The following UACA variants were observed in gnomAD, a reference collection of about 807,000 sequenced individuals.
UACA encodes the protein uveal autoantigen with coiled-coil domains and ankyrin repeats, also known as nuclear membrane binding protein.
A neutral mutation model predicts 160.5 loss-of-function variants in UACA; 112 were observed. The observed-to-expected ratio is 0.70, with a 90% CI of 0.60 to 0.82. UACA has a LOEUF of 0.82. Ranked by LOEUF, UACA falls within the 40% of genes least tolerant of loss-of-function variation. The pLI is 0.00. For missense variants in UACA, 1,574 were observed against 1,614.6 expected (o/e 0.97, Z 0.43); for synonymous variants, 557 against 568.4 (o/e 0.98, Z 0.29).
intron 1 of UACA, among the ~76,000 whole-genome samples, chr15:70,748,567 G>C (rs755380277): frequency 2.2e-4 from 33 of 152,150 alleles, no homozygotes; most frequent in Non-Finnish European, 4.6e-4. Context: ...GCAGGTCCTT[G>C]CATACAGCCT....
At chr15:70,671,912 T>C in intron 14 of UACA, 53 bp downstream of exon 14, 1 of 1,459,632 alleles carries the variant, frequency 6.9e-7, no homozygotes, top group Non-Finnish European at 9.4e-7. Flanking sequence ...ATAAACATTC[T>C]TCTTTACTTG....
chr15:70,675,530 C>G (rs535941611), intron 13 of UACA, among the ~76,000 whole-genome samples: 1 of 152,334 alleles, frequency 6.6e-6, no homozygotes, highest in South Asian at 2.1e-4. Context: ...TACTCAGTAA[C>G]CCCTCACCAA....
intron 7 of UACA, among the ~76,000 whole-genome samples, chr15:70,686,090 C>G (rs183376252): frequency 1.9e-3 from 291 of 150,848 alleles, no homozygotes; most frequent in African/African-American, 6.7e-3. Context: ...ATAGTATCCA[C>G]AAAAACAAAG....
the UACA span, among the ~76,000 whole-genome samples, chr15:70,777,195 T>C: frequency 6.6e-6 from 1 of 151,822 alleles, no homozygotes; most frequent in Admixed American, 6.6e-5. Context: ...AAGGACAGAG[T>C]TGTCATTAAC....
chr15:70,685,836 A>G (rs1224466586), intron 7 of UACA, among the ~76,000 whole-genome samples: 2 of 151,856 alleles, frequency 1.3e-5, no homozygotes, highest in Non-Finnish European at 2.9e-5. Flanking sequence ...GCGCAGTGGC[A>G]TGATCTCAGC....
chr15:70,663,213 C>T (rs983765403), intron 17 of UACA, among the ~76,000 whole-genome samples: 1 of 152,214 alleles, frequency 6.6e-6, no homozygotes, highest in African/African-American at 2.4e-5. Context: ...TGAACAGACA[C>T]TTCTCAAAAG....
At chr15:70,761,144 G>A (rs2030729508) in intron 1 of UACA, among the ~76,000 whole-genome samples, 1 of 152,070 alleles carries the variant, frequency 6.6e-6, no homozygotes, top group Non-Finnish European at 1.5e-5. Flanking sequence ...TCCAAGATAT[G>A]AAACAGCAGC....
chr15:70,773,083 G>GA, the UACA span, among the ~76,000 whole-genome samples: 14 of 148,502 alleles, frequency 9.4e-5, no homozygotes, highest in East Asian at 7.9e-4. Context: ...AAATCAAACA[G>GA]AAAAAAAAAG....
chr15:70,704,569 T>G (rs1898471251), intron 1 of UACA, among the ~76,000 whole-genome samples: 3 of 152,216 alleles, frequency 2.0e-5, no homozygotes, highest in Non-Finnish European at 4.4e-5. Flanking sequence ...GTATGTATAC[T>G]AGTAGGATAA....
At chr15:70,719,567 T>C (rs1252391275) in intron 1 of UACA, among the ~76,000 whole-genome samples, 1 of 152,014 alleles carries the variant, frequency 6.6e-6, no homozygotes, top group East Asian at 1.9e-4. Context: ...AAAGAAAAAA[T>C]ACAACCACCA....
chr15:70,735,596 T>A (rs1005743478), intron 1 of UACA, among the ~76,000 whole-genome samples: 3 of 152,238 alleles, frequency 2.0e-5, no homozygotes, highest in African/African-American at 7.2e-5. Context: ...CATCTTGGCA[T>A]GTCACATATA....
intron 1 of UACA, among the ~76,000 whole-genome samples, chr15:70,749,598 C>T (rs921829202): frequency 6.7e-6 from 1 of 148,190 alleles, no homozygotes; most frequent in Non-Finnish European, 1.5e-5. Flanking sequence ...ACTCAGGAGG[C>T]TGAGGCAGGA....
chr15:70,694,979 A>G lies in UACA; in HGVS notation c.301+38T>C, dbSNP rs74021839. The G allele has an allele frequency of 6.2e-3, 9,339 of 1,500,488 alleles. 461 individuals are homozygous for G. The African/African-American group carries it at 0.11, about 18-fold the overall frequency. The allele number at this position is 1,500,488 out of a possible 1,614,324, so 92.9% of individuals were successfully genotyped here. Reference sequence around the variant, plus strand: ...TTAGCAGTGGACAATGTTTGTTTTCACTTTATGTTTTATAATTAACTATGG... The same window carrying G: ...TTAGCAGTGGACAATGTTTGTTTTCGCTTTATGTTTTATAATTAACTATGG... On this transcript the variant is annotated intron_variant, in intron 3 of 18. Coordinates refer to ENST00000322954, the MANE Select transcript of UACA (RefSeq NM_018003.4).
At chr15:70,744,564 T>TA (rs1899643019) in intron 1 of UACA, among the ~76,000 whole-genome samples, 1 of 152,160 alleles carries the variant, frequency 6.6e-6, no homozygotes, top group African/African-American at 2.4e-5. Flanking sequence ...GAATAAAAGC[T>TA]ACCTATACCA....
At chr15:70,745,267 T>TAA (rs1036460920) in intron 1 of UACA, among the ~76,000 whole-genome samples, 1 of 149,452 alleles carries the variant, frequency 6.7e-6, no homozygotes, top group South Asian at 2.1e-4. Context: ...CCTTCTCTAC[T>TAA]AAAAAAAAAT....
upstream of UACA, among the ~76,000 whole-genome samples, chr15:70,767,239 CA>C (rs747903027): frequency 2.3e-3 from 109 of 46,526 alleles, no homozygotes; most frequent in East Asian, 8.4e-3. Flanking sequence ...GACTCCATCT[CA>C]AAAAAAAAAA....
chr15:70,661,843 T>C (rs1173612230), intron 17 of UACA: 1 of 152,114 alleles, frequency 6.6e-6, no homozygotes, highest in African/African-American at 2.4e-5. Context: ...ATAAATTAGG[T>C]ATTGATGGGA....
chr15:70,762,862 T>C (rs1395164160), intron 1 of UACA, among the ~76,000 whole-genome samples: 3 of 152,236 alleles, frequency 2.0e-5, no homozygotes, highest in Middle Eastern at 3.4e-3. Context: ...CCGGGCACGG[T>C]GGCGCGGGGT....
At chr15:70,778,584 C>G in the UACA span, among the ~76,000 whole-genome samples, 1 of 152,158 alleles carries the variant, frequency 6.6e-6, no homozygotes, top group Admixed American at 6.5e-5. Context: ...TTAGATTGGA[C>G]CCACCCAGAT....
Sources: gnomAD v4.1 joint callset for allele counts (sites outside exome capture counted in the v4.1 genomes callset) on GRCh38, gnomAD v4.1.1 for gene constraint, MANE v1.5 for transcripts, NCBI Gene and HGNC (gene_info 2026-07-23, HGNC 2026-07-21) for gene names.